COLQ: variants seen among roughly 807,000 people sequenced by gnomAD.
The protein encoded by COLQ is collagen like tail subunit of asymmetric acetylcholinesterase.
In COLQ, 48 loss-of-function variants were observed where a neutral mutation model predicts 69.0. The observed-to-expected ratio is 0.70, with a 90% confidence interval of 0.55 to 0.88. The LOEUF (loss-of-function observed/expected upper bound fraction) is 0.88. Ranked by LOEUF, COLQ falls within the 40% of genes least tolerant of loss-of-function variation. The probability of loss-of-function intolerance (pLI) is 0.00; values close to 1 mark genes in which losing one functional copy is unlikely to be tolerated. For synonymous variants in COLQ, 217 were observed against 211.2 expected, an observed-to-expected ratio of 1.03 and a Z score of -0.24; for missense variants, 618 against 594.6, an observed-to-expected ratio of 1.04 and a Z score of -0.41.
At chr3:15,500,079 G>A (rs989441037) in intron 1 of COLQ, among the ~76,000 whole-genome samples, 2 of 152,170 alleles carry the variant, frequency 1.3e-5, no homozygotes, top group African/African-American at 4.8e-5. Flanking sequence ...ACGGTTGAGG[G>A]GTAGAGGGTC....
At chr3:15,489,008 A>T (rs1466667217) in intron 2 of COLQ, among the ~76,000 whole-genome samples, 1 of 152,212 alleles carries the variant, frequency 6.6e-6, no homozygotes, top group Admixed American at 6.5e-5. Flanking sequence ...CTTCTAGGCC[A>T]GTTTCCCTAA....
intron 1 of COLQ, among the ~76,000 whole-genome samples, chr3:15,512,937 C>T (rs1220815320): frequency 6.6e-6 from 1 of 152,228 alleles, no homozygotes; most frequent in Non-Finnish European, 1.5e-5. Context: ...GGCCCTACTC[C>T]TAACCACTCT....
In COLQ at chr3:15,479,385, A is replaced by C; in HGVS notation, c.322-3T>G. On this transcript the variant is annotated splice_region_variant and splice_polypyrimidine_tract_variant and intron_variant, in intron 3 of 16. Coordinates refer to ENST00000383788, the MANE Select transcript of COLQ (RefSeq NM_005677.4). Reference sequence around the variant, plus strand: ...TTGCCAGGAAGCCCCGGTGGACCCTAATCAATCAAGATAAAAAGTGAAGAA... The same window carrying C: ...TTGCCAGGAAGCCCCGGTGGACCCTCATCAATCAAGATAAAAAGTGAAGAA... 6.2e-7 allele frequency: 1 copy of C among 1,614,048 alleles called. No homozygotes were observed. Among genetic ancestry groups the C allele is most frequent in the Non-Finnish European group, 8.5e-7 (1 of 1,179,892 alleles).
At chr3:15,469,094 C>G (rs535410555) in intron 11 of COLQ, among the ~76,000 whole-genome samples, 4 of 152,288 alleles carry the variant, frequency 2.6e-5, no homozygotes, top group African/African-American at 9.6e-5. Flanking sequence ...CTGGAACGAC[C>G]CCAACACCGA....
chr3:15,472,722 G>A lies in COLQ; in HGVS notation c.636+1278C>T, dbSNP rs118023690. Among the ~76,000 whole-genome samples the A allele has an allele frequency of 9.5e-4, 144 of 151,862 alleles. No individual in the cohort carries two copies. The East Asian group carries it at 0.025, about 26-fold the overall frequency. ...TTCTTCTTCCCCAACCCTAACCCTCGGTAAAAGTTTCAAAACATATGTTGG... is the reference window on the plus strand; with the variant it reads ...TTCTTCTTCCCCAACCCTAACCCTCAGTAAAAGTTTCAAAACATATGTTGG... On this transcript the variant is annotated intron_variant, in intron 10 of 16. Transcript: ENST00000383788.
chr3:15,520,308 C>T (rs1301312739), intron 1 of COLQ, among the ~76,000 whole-genome samples: 1 of 152,238 alleles, frequency 6.6e-6, no homozygotes, highest in Non-Finnish European at 1.5e-5. Context: ...CTCCACAAAT[C>T]TGCCCCCACC....
intron 4 of COLQ, 66 bp downstream of exon 4, chr3:15,479,272 G>A: frequency 6.6e-7 from 1 of 1,515,906 alleles, no homozygotes; most frequent in Non-Finnish European, 9.2e-7. Context: ...AATTCTCAGT[G>A]GGATGCCCAG....
intron 3 of COLQ, among the ~76,000 whole-genome samples, chr3:15,487,860 C>A (rs533590932): frequency 2.0e-5 from 3 of 152,226 alleles, no homozygotes; most frequent in South Asian, 4.1e-4. Flanking sequence ...CAGGAGGGGT[C>A]AATGGTTACA....
At chr3:15,483,674 A>G (rs1258554673) in intron 3 of COLQ, among the ~76,000 whole-genome samples, 7 of 152,238 alleles carry the variant, frequency 4.6e-5, no homozygotes, top group African/African-American at 1.7e-4. Flanking sequence ...TGGTGGTGAG[A>G]AGAATGTATA....
chr3:15,489,645 G>T lies in COLQ; in HGVS notation c.107-8C>A. On this transcript the variant is annotated splice_polypyrimidine_tract_variant and splice_region_variant and intron_variant, in intron 1 of 16. Transcript: ENST00000383788. The stretch of plus-strand genomic sequence containing the variant: ...GATCCAGGCTGGGAAGGGCTGTTCA[G>T]AGAAAACTGCCGCTCGTTAGCATGT... 1 of 1,613,526 alleles carries T rather than the reference G, an allele frequency of 6.2e-7. No individual in the cohort carries two copies.
Position 15,473,014 on chromosome 3 carries a change from C to T in COLQ, c.636+986G>A, listed in dbSNP as rs148717847. On this transcript the variant is annotated intron_variant, in intron 10 of 16. Transcript: ENST00000383788. The surrounding 1 kb of genome is among the most constrained non-coding windows in gnomAD (Gnocchi z 4.0). Reference sequence around the variant, plus strand: ...CGCTGGGACTATAGGCATGTGCCACCATGACCTGCTAATTTTTTTTTTTTT... The same window carrying T: ...CGCTGGGACTATAGGCATGTGCCACTATGACCTGCTAATTTTTTTTTTTTT... 2.6e-5 allele frequency among the ~76,000 whole-genome samples: 4 copies of T among 151,742 alleles called. No homozygotes were observed. Among genetic ancestry groups the T allele is most frequent in the African/African-American group, 9.7e-5 (4 of 41,146 alleles).
intron 1 of COLQ, among the ~76,000 whole-genome samples, chr3:15,506,251 G>C (rs181867237): frequency 7.6e-4 from 116 of 152,270 alleles, no homozygotes; most frequent in African/African-American, 2.5e-3. Flanking sequence ...TCTCCTTGCT[G>C]CTTTGGATCT....
intron 1 of COLQ, among the ~76,000 whole-genome samples, chr3:15,508,890 T>C (rs1239088443): frequency 6.6e-6 from 1 of 151,890 alleles, no homozygotes; most frequent in African/African-American, 2.4e-5. Flanking sequence ...GTGGTTCACG[T>C]CTGTAATCCC....
chr3:15,497,080 A>G (rs1344466001), intron 1 of COLQ, among the ~76,000 whole-genome samples: 3 of 120,598 alleles, frequency 2.5e-5, no homozygotes, highest in East Asian at 4.8e-4. Context: ...GTCTCACTCT[A>G]TTGCCCAGGC....
intron 4 of COLQ, 109 bp downstream of exon 4, chr3:15,479,229 G>A (rs1261501668): frequency 1.1e-5 from 14 of 1,268,016 alleles, no homozygotes; most frequent in Non-Finnish European, 1.6e-5. Context: ...CACCAAGGCA[G>A]AGTTAGCACA....
chr3:15,521,412 C>T (rs2063135677), intron 1 of COLQ, 108 bp downstream of exon 1: 1 of 1,451,638 alleles, frequency 6.9e-7, no homozygotes, highest in African/African-American at 1.4e-5. Flanking sequence ...AACCTCCCTC[C>T]ACCAACAGTT....
chr3:15,479,138 A>G, intron 4 of COLQ, 135 bp from the exon 5 acceptor site: 1 of 1,215,954 alleles, frequency 8.2e-7, no homozygotes, highest in Non-Finnish European at 1.2e-6. Flanking sequence ...CCCCTCTGCC[A>G]TGTCGATAGG....
chr3:15,485,639 C>T (rs950637831), intron 3 of COLQ, among the ~76,000 whole-genome samples: 1 of 152,164 alleles, frequency 6.6e-6, no homozygotes, highest in African/African-American at 2.4e-5. Context: ...ATCCCAAAGC[C>T]CAGGCCCCAA....
intron 1 of COLQ, among the ~76,000 whole-genome samples, chr3:15,499,893 C>T (rs2062808643): frequency 2.0e-5 from 3 of 152,134 alleles, no homozygotes; most frequent in Admixed American, 2.0e-4. Context: ...GCGTGCAAAG[C>T]CGACTTTGAT....
Sources: allele counts gnomAD v4.1 joint callset (sites outside exome capture counted in the v4.1 genomes callset), GRCh38; gene constraint gnomAD v4.1.1; non-coding constraint Gnocchi (gnomAD v3.1); transcripts MANE v1.5; gene names NCBI Gene and HGNC (gene_info 2026-07-23, HGNC 2026-07-21).